APBB1IP: variants seen among roughly 807,000 people sequenced by gnomAD.
APBB1IP encodes the protein amyloid beta precursor protein binding family B member 1 interacting protein, also known as amyloid beta A4 precursor protein-binding family B member 1-interacting protein.
APBB1IP carries 27 observed loss-of-function variants against 64.9 expected under a neutral mutation model. That is an observed-to-expected ratio of 0.42 (90% confidence interval 0.31 to 0.57). The LOEUF is 0.57. APBB1IP is among the 20% of genes least tolerant of loss of function. The pLI is 0.20. For synonymous variants in APBB1IP, 392 were observed against 331.0 expected, an observed-to-expected ratio of 1.18 and a Z score of -2.00; for missense variants, 812 against 845.5, an observed-to-expected ratio of 0.96 and a Z score of 0.49.
At chr10:26,457,632 G>T (rs974656078) in intron 2 of APBB1IP, among the ~76,000 whole-genome samples, 1 of 152,218 alleles carries the variant, frequency 6.6e-6, no homozygotes, top group Non-Finnish European at 1.5e-5. Context: ...AGGGGACCTG[G>T]GAACAGGCTG....
chr10:26,533,371 T>C lies in APBB1IP; in HGVS notation c.814-68T>C. On this transcript the variant is annotated intron_variant, in intron 8 of 14. Transcript: ENST00000376236. Reference sequence around the variant, plus strand: ...TAACATCTTCTTTCCAGCAAGACTGTGAGTTCCTTGCAGAGTCTAGTACGG... The same window carrying C: ...TAACATCTTCTTTCCAGCAAGACTGCGAGTTCCTTGCAGAGTCTAGTACGG... The C allele has an allele frequency of 2.2e-6, 2 of 890,342 alleles. 1 individual carries two copies. Among genetic ancestry groups the C allele is most frequent in the South Asian group, 4.0e-5 (2 of 49,384 alleles). The allele number at this position is 890,342 out of a possible 1,614,324, so 55.2% of individuals were successfully genotyped here. A position where few individuals can be genotyped will look rare whatever the true frequency, so the allele number is the denominator to read the frequency against.
chr10:26,494,369 T>C (rs1835994636), intron 3 of APBB1IP, among the ~76,000 whole-genome samples: 2 of 152,232 alleles, frequency 1.3e-5, no homozygotes, highest in South Asian at 4.1e-4. Context: ...TGCTCATAAA[T>C]GAGCCTTTGA....
intron 2 of APBB1IP, among the ~76,000 whole-genome samples, chr10:26,462,198 A>T (rs979624030): frequency 2.6e-5 from 4 of 152,230 alleles, no homozygotes; most frequent in African/African-American, 7.2e-5. Flanking sequence ...TATAAAAAAA[A>T]GTTTCCCAAG....
At chr10:26,468,533 T>C (rs959815976) in intron 2 of APBB1IP, among the ~76,000 whole-genome samples, 3 of 152,222 alleles carry the variant, frequency 2.0e-5, no homozygotes, top group African/African-American at 7.2e-5. Context: ...GTGATTGTTA[T>C]GTGTATATGT....
At chr10:26,443,348 C>T (rs1031515648) in intron 2 of APBB1IP, among the ~76,000 whole-genome samples, 1 of 151,400 alleles carries the variant, frequency 6.6e-6, no homozygotes, top group Non-Finnish European at 1.5e-5. Flanking sequence ...CGCTTGAACC[C>T]AGGAGGTGGA....
chr10:26,495,546 C>T (rs1315942326), intron 3 of APBB1IP, among the ~76,000 whole-genome samples: 1 of 151,118 alleles, frequency 6.6e-6, no homozygotes, highest in Non-Finnish European at 1.5e-5. Flanking sequence ...AGACAGGAGG[C>T]TCACATGAGC....
intron 3 of APBB1IP, among the ~76,000 whole-genome samples, chr10:26,495,133 G>A (rs1443815084): frequency 7.3e-5 from 11 of 150,882 alleles, no homozygotes; most frequent in East Asian, 5.9e-4. Flanking sequence ...TCAGCCTCCC[G>A]AGTAGCTGGG....
chr10:26,495,364 G>A (rs766662578), intron 3 of APBB1IP, among the ~76,000 whole-genome samples: 7 of 121,704 alleles, frequency 5.8e-5, no homozygotes, highest in African/African-American at 9.5e-5. Context: ...TTAAGTGAAC[G>A]TGTGTGGTCT....
chr10:26,545,617 G>A (rs953081740), intron 11 of APBB1IP, among the ~76,000 whole-genome samples: 1 of 152,046 alleles, frequency 6.6e-6, no homozygotes, highest in South Asian at 2.1e-4. Flanking sequence ...AAAATTAGCC[G>A]GGCGTGGTAG....
In APBB1IP at chr10:26,456,257, C is replaced by T. The variant is rs572142030; in HGVS notation, c.-1+17404C>T. 1.5e-4 allele frequency among the ~76,000 whole-genome samples: 23 copies of T among 152,312 alleles called. No individual in the cohort carries two copies. The South Asian group carries it at 4.6e-3, about 30-fold the overall frequency. On this transcript the variant is annotated intron_variant, in intron 2 of 14. Transcript: ENST00000376236. ...CATTTCACCTGCATGCAAGGAGCTG[C>T]TCTATCCACGGGAAAATGGATGCAC...
At chr10:26,501,436 A>G (rs1303599098) in intron 5 of APBB1IP, 5 of 509,914 alleles carry the variant, frequency 9.8e-6, no homozygotes, top group Non-Finnish European at 1.7e-5. Context: ...AACTGATTAT[A>G]TATTTCCATG....
Position 26,468,775 on chromosome 10 carries a change from T to G in APBB1IP, c.1-23552T>G, listed in dbSNP as rs534291327. 3.3e-5 allele frequency among the ~76,000 whole-genome samples: 5 copies of G among 152,360 alleles called. 1 individual carries two copies. In the South Asian group the frequency reaches 1.0e-3, roughly 32 times the overall value. On this transcript the variant is annotated intron_variant, in intron 2 of 14. Transcript: ENST00000376236. ...TCATCGGCTCTTTCTGGCTTGTTCC[T>G]GCTCCTGTTCACAGAGTCCTGGATG...
chr10:26,486,047 T>G lies in APBB1IP; in HGVS notation c.1-6280T>G, dbSNP rs906130300. 2.0e-5 allele frequency among the ~76,000 whole-genome samples: 3 copies of G among 151,916 alleles called. No homozygotes were observed. The East Asian group carries it at 5.8e-4, about 29-fold the overall frequency. On this transcript the variant is annotated intron_variant, in intron 2 of 14. Coordinates refer to ENST00000376236, the MANE Select transcript of APBB1IP (RefSeq NM_019043.4). Reference sequence around the variant, plus strand: ...GAGTTTGAGACCTGCCTGGGCAACATAGCAAGACCCTGTCTCTGCTAAAAA... The same window carrying G: ...GAGTTTGAGACCTGCCTGGGCAACAGAGCAAGACCCTGTCTCTGCTAAAAA...
At chr10:26,451,956 G>A (rs967562305) in intron 2 of APBB1IP, among the ~76,000 whole-genome samples, 2 of 152,078 alleles carry the variant, frequency 1.3e-5, no homozygotes, top group African/African-American at 4.8e-5. Context: ...TCAAAACAAG[G>A]CATTTATCTG....
intron 11 of APBB1IP, among the ~76,000 whole-genome samples, chr10:26,548,733 T>A (rs1455749204): frequency 6.6e-6 from 1 of 152,130 alleles, no homozygotes; most frequent in Non-Finnish European, 1.5e-5. Context: ...GTTCTAACAG[T>A]TTTTTTGGTG....
At chr10:26,457,024 G>A (rs1229020032) in intron 2 of APBB1IP, among the ~76,000 whole-genome samples, 1 of 152,132 alleles carries the variant, frequency 6.6e-6, no homozygotes, top group Non-Finnish European at 1.5e-5. Flanking sequence ...AGGTTATTGG[G>A]CTATAGGTCA....
rs78938215 is a variant in APBB1IP, at chr10:26,520,356, G to T, written c.813+6696G>T. ...GCTATAGCAACAGAAAAAAGACTAA[G>T]ACAGATTAATACTTATTTGCAGCTT... On this transcript the variant is annotated intron_variant, in intron 8 of 14. Transcript: ENST00000376236. Among the ~76,000 whole-genome samples, 825 of 152,180 alleles carry T rather than the reference G, an allele frequency of 5.4e-3. 7 individuals are homozygous for T. Among genetic ancestry groups the T allele is most frequent in the African/African-American group, 0.019 (781 of 41,512 alleles).
chr10:26,481,305 A>C (rs1835831892), intron 2 of APBB1IP, among the ~76,000 whole-genome samples: 1 of 152,026 alleles, frequency 6.6e-6, no homozygotes, highest in South Asian at 2.1e-4. Context: ...CTTTTTTCTA[A>C]CTGAAGCTTG....
intron 2 of APBB1IP, among the ~76,000 whole-genome samples, chr10:26,451,336 G>A (rs1040249789): frequency 1.2e-4 from 18 of 152,054 alleles, no homozygotes; most frequent in Admixed American, 6.6e-4. Context: ...TAATCCTCTC[G>A]CCTCAGCTTC....
Sources: gnomAD v4.1 joint callset for allele counts (sites outside exome capture counted in the v4.1 genomes callset) on GRCh38, gnomAD v4.1.1 for gene constraint, MANE v1.5 for transcripts, NCBI Gene and HGNC (gene_info 2026-07-23, HGNC 2026-07-21) for gene names.